PREPL: variants seen among roughly 807,000 people sequenced by gnomAD.
The protein encoded by PREPL is prolyl endopeptidase-like.
PREPL carries 77 observed loss-of-function variants against 70.6 expected under a neutral mutation model. That is an observed-to-expected ratio of 1.09 (90% CI 0.91 to 1.32). PREPL has a LOEUF of 1.32. Ranked by LOEUF, PREPL falls within the 40% of genes most tolerant of loss-of-function variation. The probability of loss-of-function intolerance (pLI) is 0.00; values close to 1 mark genes in which losing one functional copy is unlikely to be tolerated. For missense variants in PREPL, 1,002 were observed against 778.2 expected, an observed-to-expected ratio of 1.29 and a Z score of -3.42; for synonymous variants, 315 against 264.8, an observed-to-expected ratio of 1.19 and a Z score of -1.84.
chr2:44,327,779 C>T (rs1016468405), intron 9 of PREPL, among the ~76,000 whole-genome samples: 3 of 152,032 alleles, frequency 2.0e-5, no homozygotes, highest in Non-Finnish European at 4.4e-5. Flanking sequence ...AAGAGAATTA[C>T]TTGAACCTGG....
intron 1 of PREPL, among the ~76,000 whole-genome samples, chr2:44,349,191 T>C (rs984562664): frequency 5.3e-5 from 8 of 152,074 alleles, no homozygotes; most frequent in East Asian, 1.9e-4. Flanking sequence ...ACTCTAAAGA[T>C]AGAAAAAATG....
rs760764604 is a variant in PREPL, at chr2:44,326,798, T to G, written c.1393A>C (p.Thr465Pro). ...GQGFSQPSLT[T>P]LTAFSAGGVL... ...CCTCCAGCACTGAAAGCAGTCAGGG[T>G]TGTTAGACTTGGCTGAGAAAAGCCT... The change falls in exon 10 of 14, where the codon ACC (threonine) becomes CCC (proline). Residue 465 changes from threonine (T) to proline (P), a missense_variant. Transcript: ENST00000409411. 1 of 1,614,100 alleles carries G rather than the reference T, an allele frequency of 6.2e-7. No homozygotes were observed. The highest frequency in any genetic ancestry group is 2.2e-5 in the East Asian group (1 of 44,882).
intron 8 of PREPL, among the ~76,000 whole-genome samples, chr2:44,330,107 AG>A (rs1673942223): frequency 6.6e-6 from 1 of 152,234 alleles, no homozygotes; most frequent in Non-Finnish European, 1.5e-5. Context: ...TTTCACTTTT[AG>A]TAAGATTCAC....
At chr2:44,322,091 A>C (rs575074975) in intron 12 of PREPL, among the ~76,000 whole-genome samples, 191 bp from the exon 13 acceptor site, 61 of 152,278 alleles carry the variant, frequency 4.0e-4, no homozygotes, top group African/African-American at 1.4e-3. Flanking sequence ...TGACACAGCG[A>C]AAGCAGGAAG....
intron 1 of PREPL, among the ~76,000 whole-genome samples, chr2:44,354,154 TCAACAA>T (rs965131528): frequency 4.0e-5 from 6 of 151,760 alleles, no homozygotes; most frequent in African/African-American, 1.5e-4. Flanking sequence ...AGGCCCTCTC[TCAACAA>T]CAACAACAAC....
At chr2:44,345,172 C>T (rs1461967547) in intron 2 of PREPL, among the ~76,000 whole-genome samples, 1 of 152,184 alleles carries the variant, frequency 6.6e-6, no homozygotes, top group Non-Finnish European at 1.5e-5. Context: ...CTAATGCCTA[C>T]ATATTAAATG....
At chr2:44,333,957 A>G (rs1211108691) in intron 7 of PREPL, among the ~76,000 whole-genome samples, 1 of 152,196 alleles carries the variant, frequency 6.6e-6, no homozygotes, top group African/African-American at 2.4e-5. Flanking sequence ...GACAGTCTCT[A>G]TGTGACCCAC....
At position 44,346,330 on chromosome 2, in the gene PREPL, C is replaced by T; in HGVS notation, c.13G>A (p.Glu5Lys). The T allele has an allele frequency of 6.2e-7, 1 of 1,612,030 alleles. No homozygotes were observed. The highest frequency in any genetic ancestry group is 8.5e-7 in the Non-Finnish European group (1 of 1,178,636). Residue 5 changes from glutamate (E) to lysine (K), a missense_variant, in exon 2 of 14, where the codon GAA (glutamate) becomes AAA (lysine). Transcript: ENST00000409411. MDAF[E>K]KVRTKLETQP... is the part of the protein sequence containing the mutation. Reference sequence around the variant, plus strand: ...GTTTCTAATTTTGTTCTCACTTTTTCAAATGCATCCATGTTTTCTGGAAGG... The same window carrying T: ...GTTTCTAATTTTGTTCTCACTTTTTTAAATGCATCCATGTTTTCTGGAAGG...
At chr2:44,321,689 C>T (rs895659292) in intron 13 of PREPL, 138 bp downstream of exon 13, 12 of 1,565,868 alleles carry the variant, frequency 7.7e-6, no homozygotes, top group Non-Finnish European at 1.0e-5. Flanking sequence ...GTGTCCCTCC[C>T]TCCCCTCCTG....
intron 1 of PREPL, among the ~76,000 whole-genome samples, chr2:44,348,978 C>T (rs539300383): frequency 8.5e-5 from 13 of 152,306 alleles, no homozygotes; most frequent in Admixed American, 6.5e-4. Flanking sequence ...AAGGCATATA[C>T]TACCCAATGG....
At chr2:44,340,387 T>A (rs1162818556) in intron 5 of PREPL, among the ~76,000 whole-genome samples, 1 of 152,134 alleles carries the variant, frequency 6.6e-6, no homozygotes, top group Non-Finnish European at 1.5e-5. Flanking sequence ...ACTAACATAA[T>A]GAGTGGCTTT....
chr2:44,320,174 C>G lies in PREPL; in HGVS notation c.*1182G>C, dbSNP rs750454187. The G allele has an allele frequency of 2.6e-5, 41 of 1,566,672 alleles. No individual in the cohort carries two copies. Among genetic ancestry groups the G allele is most frequent in the Middle Eastern group, 1.8e-4 (1 of 5,622 alleles). On this transcript the variant is annotated 3_prime_UTR_variant, in exon 14 of 14. Transcript: ENST00000409411. The stretch of plus-strand genomic sequence containing the variant: ...AACAATTCTTAGAATCAAACACTTA[C>G]GTAAATACTTTTTTAAAAAAATAGG...
chr2:44,323,201 T>A, intron 11 of PREPL, 61 bp downstream of exon 11: 1 of 1,318,558 alleles, frequency 7.6e-7, no homozygotes, highest in Non-Finnish European at 1.0e-6. Context: ...CTTGGATAAG[T>A]TTTTTTTTTA....
chr2:44,361,787 G>A (rs1409559307), upstream of PREPL: 5 of 809,354 alleles, frequency 6.2e-6, no homozygotes, highest in Non-Finnish European at 8.6e-6. Context: ...CCTCACTCAA[G>A]ATGGCTACCA....
At chr2:44,321,680 T>C in intron 13 of PREPL, 147 bp downstream of exon 13, 4 of 1,553,808 alleles carry the variant, frequency 2.6e-6, no homozygotes, top group Non-Finnish European at 3.5e-6. Flanking sequence ...ATTGACACAG[T>C]GTCCCTCCCT....
At chr2:44,328,309 C>T (rs1377387445) in intron 9 of PREPL, among the ~76,000 whole-genome samples, 2 of 143,244 alleles carry the variant, frequency 1.4e-5, no homozygotes, top group Non-Finnish European at 3.0e-5. Flanking sequence ...TGGTGGTGTG[C>T]GCCTGTAGTC....
intron 1 of PREPL, 101 bp from the exon 2 acceptor site, chr2:44,346,491 C>CA: frequency 9.7e-7 from 1 of 1,029,998 alleles, no homozygotes; most frequent in Non-Finnish European, 1.4e-6. Flanking sequence ...TAACGTTGTA[C>CA]AAAAAAGAAA....
At chr2:44,342,075 C>T (rs1347896250) in intron 5 of PREPL, among the ~76,000 whole-genome samples, 2 of 152,140 alleles carry the variant, frequency 1.3e-5, no homozygotes, top group African/African-American at 2.4e-5. Context: ...AAACCTGGCA[C>T]CCTGCTTATC....
At chr2:44,328,845 A>C in intron 9 of PREPL, 92 bp downstream of exon 9, 1 of 1,277,786 alleles carries the variant, frequency 7.8e-7, no homozygotes, top group Admixed American at 2.5e-5. Flanking sequence ...GAATGAAAAA[A>C]ATAAGCTTTT....
Sources: allele counts gnomAD v4.1 joint callset (sites outside exome capture counted in the v4.1 genomes callset), GRCh38; gene constraint gnomAD v4.1.1; transcripts MANE v1.5; gene names NCBI Gene and HGNC (gene_info 2026-07-23, HGNC 2026-07-21).